The following GSDMC variants were observed in gnomAD, a reference collection of about 807,000 sequenced individuals.
GSDMC encodes gasdermin-C.
A neutral mutation model predicts 58.0 loss-of-function variants in GSDMC; 59 were observed. The ratio of observed to expected loss-of-function variants is 1.02; its 90% confidence interval spans 0.82 to 1.26. The LOEUF is 1.26. Ranked by LOEUF, GSDMC falls within the 50% of genes most tolerant of loss-of-function variation. The probability of loss-of-function intolerance (pLI) is 0.00; values close to 1 mark genes in which losing one functional copy is unlikely to be tolerated. For missense variants in GSDMC, 659 were observed against 598.5 expected, an observed-to-expected ratio of 1.10 and a Z score of -1.06; for synonymous variants, 241 against 220.2, an observed-to-expected ratio of 1.09 and a Z score of -0.83.
the GSDMC span, among the ~76,000 whole-genome samples, chr8:129,717,621 T>C: frequency 8.2e-3 from 1,245 of 152,296 alleles, 15 homozygotes; most frequent in African/African-American, 0.027. Flanking sequence ...TTTGATGCTA[T>C]GCCCCTCAAG....
chr8:129,741,294 G>A, the GSDMC span, among the ~76,000 whole-genome samples: 1 of 151,990 alleles, frequency 6.6e-6, no homozygotes, highest in African/African-American at 2.4e-5. Context: ...CTCCAGTTTT[G>A]TTATTTTAAC....
rs749560802 is a variant in GSDMC at position 129,762,735 on chromosome 8, G to A, written c.571-4C>T. 5.0e-6 allele frequency: 8 copies of A among 1,594,912 alleles called. No homozygotes were observed. In the African/African-American group the frequency reaches 1.1e-4, roughly 21 times the overall value. On this transcript the variant is annotated splice_polypyrimidine_tract_variant and splice_region_variant and intron_variant, in intron 4 of 13. Transcript: ENST00000276708. ...GACTCTCTCCTTGGCCTTGACCCTG[G>A]GGAGAGAAACCAGACAATACAGTAT... is the stretch of plus-strand genomic sequence containing the variant.
chr8:129,752,068 C>CAGA, intron 8 of GSDMC, 38 bp downstream of exon 8: 1 of 1,592,236 alleles, frequency 6.3e-7, no homozygotes, highest in Non-Finnish European at 8.6e-7. Flanking sequence ...TTTTGTTGTG[C>CAGA]AGATTGTCCT....
At chr8:129,736,642 A>G in the GSDMC span, among the ~76,000 whole-genome samples, 1 of 152,228 alleles carries the variant, frequency 6.6e-6, no homozygotes, top group African/African-American at 2.4e-5. Flanking sequence ...CGTTATCTCA[A>G]AATAATAAGA....
chr8:129,732,108 G>T, the GSDMC span, among the ~76,000 whole-genome samples: 2 of 152,112 alleles, frequency 1.3e-5, no homozygotes, highest in Admixed American at 6.5e-5. Flanking sequence ...GCCACAAGGG[G>T]TTCTCTCTCA....
At chr8:129,754,944 A>C (rs149695174) in intron 6 of GSDMC, among the ~76,000 whole-genome samples, 1 of 152,172 alleles carries the variant, frequency 6.6e-6, no homozygotes, top group African/African-American at 2.4e-5. Flanking sequence ...AGAATAAAAA[A>C]CAATGAAGCA....
downstream of GSDMC, among the ~76,000 whole-genome samples, chr8:129,747,013 GC>G (rs1187062370): frequency 6.6e-6 from 1 of 151,886 alleles, no homozygotes; most frequent in Non-Finnish European, 1.5e-5. Context: ...ACTTTGGGAG[GC>G]CGAAGCAGGC....
In GSDMC at chr8:129,773,782, T is replaced by C. The variant is rs1211975883; in HGVS notation, c.404+2320A>G. 3.3e-5 allele frequency among the ~76,000 whole-genome samples: 4 copies of C among 119,920 alleles called. No homozygotes were observed. In the East Asian group the frequency reaches 6.5e-4, roughly 19 times the overall value. 78.7% of individuals were successfully genotyped at this position (119,920 alleles called of 152,430 possible). ...GCCTGGGAGACAGAGTGAGACTCTG[T>C]CTCAAAAAAAAAAAAAAAAAGTCCG... On this transcript the variant is annotated intron_variant, in intron 3 of 13. Coordinates refer to ENST00000276708, the MANE Select transcript of GSDMC (RefSeq NM_031415.3).
intron 5 of GSDMC, 82 bp from the exon 6 acceptor site, chr8:129,760,671 A>C: frequency 2.4e-6 from 1 of 423,860 alleles, no homozygotes. Flanking sequence ...CTTATATCAA[A>C]ACCACTGGGA....
Position 129,762,618 on chromosome 8 carries a change from G to C in GSDMC, c.676+8C>G. 1 of 1,572,870 alleles carries C rather than the reference G, an allele frequency of 6.4e-7. No individual in the cohort carries two copies. Among genetic ancestry groups the C allele is most frequent in the Non-Finnish European group, 8.8e-7 (1 of 1,142,062 alleles). On this transcript the variant is annotated splice_region_variant and intron_variant, in intron 5 of 13. Transcript: ENST00000276708. ...GCCATCTGCCTTGCTGAGCTCCGCT[G>C]CTCCCACCTTTCTCCTTGATAACCA...
the GSDMC span, among the ~76,000 whole-genome samples, chr8:129,724,863 AC>A: frequency 1.3e-5 from 2 of 152,174 alleles, no homozygotes; most frequent in Non-Finnish European, 2.9e-5. Flanking sequence ...ATAACAATTA[AC>A]AAAGGGCATA....
the GSDMC span, among the ~76,000 whole-genome samples, chr8:129,737,021 G>T: frequency 6.6e-6 from 1 of 152,152 alleles, no homozygotes. Flanking sequence ...GCCAAATCAT[G>T]AATGAACTCC....
At position 129,752,772 on chromosome 8, in the gene GSDMC, C is replaced by A. The variant is rs1343290547; in HGVS notation, c.770G>T (p.Gly257Val). The A allele has an allele frequency of 6.2e-7, 1 of 1,614,130 alleles. No homozygotes were observed. The highest frequency in any genetic ancestry group is 1.3e-5 in the African/African-American group (1 of 75,018). Reference sequence around the variant, plus strand: ...GATGGTATGAAATGATGGTAGCAACCCCTCACTCCTCGCAGCACAGTAGCC... The same window carrying A: ...GATGGTATGAAATGATGGTAGCAACACCTCACTCCTCGCAGCACAGTAGCC... ...MVGYCAARSE[G>V]LLPSFHTISP... The change falls in exon 7 of 14, where the codon GGG becomes GTG. Residue 257 changes from glycine to valine, a missense_variant. Physicochemically the swap from Gly to Val is moderately radical, Grantham distance 109. Coordinates refer to ENST00000276708, the MANE Select transcript of GSDMC (RefSeq NM_031415.3).
At chr8:129,717,571 T>C in the GSDMC span, among the ~76,000 whole-genome samples, 6 of 152,098 alleles carry the variant, frequency 3.9e-5, no homozygotes, top group Admixed American at 3.3e-4. Context: ...GAAGAATTAA[T>C]ATCGTGAAAA....
At chr8:129,774,799 T>C (rs1184942130) in intron 3 of GSDMC, among the ~76,000 whole-genome samples, 2 of 152,206 alleles carry the variant, frequency 1.3e-5, no homozygotes, top group Admixed American at 6.5e-5. Flanking sequence ...AAAAAAGACA[T>C]AGAAATAAGC....
the GSDMC span, among the ~76,000 whole-genome samples, chr8:129,715,180 C>G: frequency 3.3e-5 from 5 of 152,040 alleles, no homozygotes; most frequent in African/African-American, 1.2e-4. Context: ...GATGTGAAAG[C>G]CTTATGATTT....
At chr8:129,714,446 CAAAGAGAGAG>C in the GSDMC span, among the ~76,000 whole-genome samples, 1 of 152,176 alleles carries the variant, frequency 6.6e-6, no homozygotes, top group African/African-American at 2.4e-5. Context: ...GAACTTGTTA[CAAAGAGAGAG>C]CTTCTTTCAT....
intron 1 of GSDMC, among the ~76,000 whole-genome samples, chr8:129,780,354 T>G (rs1291583327): frequency 6.6e-6 from 1 of 151,848 alleles, no homozygotes; most frequent in African/African-American, 2.4e-5. Flanking sequence ...ATAATCAAAC[T>G]CCCAAATATC....
intron 6 of GSDMC, among the ~76,000 whole-genome samples, chr8:129,753,043 G>A (rs1368725634): frequency 6.6e-6 from 1 of 152,148 alleles, no homozygotes; most frequent in Non-Finnish European, 1.5e-5. Flanking sequence ...TGGAGTCCTA[G>A]GTAAACTTAA....
Sources: gnomAD v4.1 joint callset for allele counts (sites outside exome capture counted in the v4.1 genomes callset) on GRCh38, gnomAD v4.1.1 for gene constraint, MANE v1.5 for transcripts, NCBI Gene and HGNC (gene_info 2026-07-23, HGNC 2026-07-21) for gene names.